Variants in COL11A1 observed in about 807,000 individuals in gnomAD.
COL11A1 encodes collagen alpha-1(XI) chain.
In COL11A1, 74 loss-of-function variants were observed where a neutral mutation model predicts 265.2. The ratio of observed to expected loss-of-function variants is 0.28; its 90% confidence interval spans 0.23 to 0.34. The LOEUF (loss-of-function observed/expected upper bound fraction) is 0.34, where lower values mean the gene tolerates loss of function less well. COL11A1 is among the 10% of genes least tolerant of loss of function. The pLI, the probability that COL11A1 is intolerant of heterozygous loss-of-function variation, is 1.00. For missense variants in COL11A1, 2,165 were observed against 2,263.6 expected (o/e 0.96, Z 0.88); for synonymous variants, 816 against 727.6 (o/e 1.12, Z -1.96).
intron 1 of COL11A1, among the ~76,000 whole-genome samples, chr1:103,087,503 C>T (rs924570957): frequency 6.6e-6 from 1 of 152,200 alleles, no homozygotes; most frequent in Non-Finnish European, 1.5e-5. Context: ...TATCTGGACA[C>T]TCCCACTTAT....
intron 41 of COL11A1, among the ~76,000 whole-genome samples, chr1:102,947,351 C>A (rs1362286373): frequency 6.6e-6 from 1 of 152,102 alleles, no homozygotes; most frequent in Admixed American, 6.5e-5. Context: ...AATCCCTAAA[C>A]TAGTGTTTCT....
At position 102,957,518 on chromosome 1, in the gene COL11A1, G is replaced by A. The variant is rs536519926; in HGVS notation, c.3168+4348C>T. ...CTTATGAATTGCATTATAGGTGAAAGAAACTAAGAGTTCAATGGCATTCTG... is the reference window on the plus strand; with the variant it reads ...CTTATGAATTGCATTATAGGTGAAAAAAACTAAGAGTTCAATGGCATTCTG... On this transcript the variant is annotated intron_variant, in intron 41 of 66. Transcript: ENST00000370096. Among the ~76,000 whole-genome samples, 5 of 152,000 alleles carry A rather than the reference G, an allele frequency of 3.3e-5. No individual in the cohort carries two copies. In the South Asian group the frequency reaches 6.2e-4, roughly 19 times the overall value.
intron 57 of COL11A1, among the ~76,000 whole-genome samples, chr1:102,897,710 C>T (rs1652614226): frequency 1.3e-5 from 2 of 152,068 alleles, no homozygotes; most frequent in South Asian, 4.1e-4. Flanking sequence ...TTTTATGTTT[C>T]AGCCTGTATG....
intron 4 of COL11A1, among the ~76,000 whole-genome samples, chr1:103,037,626 C>G (rs1183556541): frequency 6.6e-6 from 1 of 152,114 alleles, no homozygotes; most frequent in Non-Finnish European, 1.5e-5. Context: ...ATAACTAAAA[C>G]AGTTAATGCA....
At chr1:103,015,263 A>G (rs1666468952) in intron 12 of COL11A1, among the ~76,000 whole-genome samples, 1 of 152,056 alleles carries the variant, frequency 6.6e-6, no homozygotes. Flanking sequence ...GGAATCTTAC[A>G]GTAAAGCAAA....
chr1:103,013,478 T>C (rs930606997), intron 13 of COL11A1, among the ~76,000 whole-genome samples: 2 of 151,968 alleles, frequency 1.3e-5, no homozygotes, highest in African/African-American at 4.8e-5. Context: ...AAATAAGTTA[T>C]AGAAATCTTT....
At chr1:102,958,577 A>G (rs1660594191) in intron 41 of COL11A1, among the ~76,000 whole-genome samples, 1 of 152,144 alleles carries the variant, frequency 6.6e-6, no homozygotes, top group Non-Finnish European at 1.5e-5. Flanking sequence ...GCTTCACTAG[A>G]TTCTGCAGCA....
chr1:102,995,778 A>C (rs1260061569), intron 28 of COL11A1, 86 bp downstream of exon 28: 45 of 1,131,034 alleles, frequency 4.0e-5, no homozygotes, highest in Non-Finnish European at 6.0e-5. Context: ...TCACTCATAT[A>C]TTCAAGAAAT....
rs1003459179 is a variant in COL11A1 at position 103,105,013 on chromosome 1, A to G, written c.106+3060T>C. Among the ~76,000 whole-genome samples, 5 of 152,160 alleles carry G rather than the reference A, an allele frequency of 3.3e-5. No individual in the cohort carries two copies. In the South Asian group the frequency reaches 1.0e-3, roughly 32 times the overall value. ...TTCCCAGTTTGATCAGCCTTTTACA[A>G]GATACAGTATTGGCTTAACTGCCAA... On this transcript the variant is annotated intron_variant, in intron 1 of 66. Transcript: ENST00000370096.
intron 54 of COL11A1, among the ~76,000 whole-genome samples, chr1:102,909,532 CTAT>C (rs1317955976): frequency 1.1e-4 from 16 of 151,980 alleles, no homozygotes; most frequent in African/African-American, 3.6e-4. Context: ...TAATATACTA[CTAT>C]ATTTTATTAT....
chr1:103,021,811 A>G lies in COL11A1; in HGVS notation c.1246-42T>C, dbSNP rs770674974. The G allele has an allele frequency of 6.0e-6, 8 of 1,332,540 alleles. No individual in the cohort carries two copies. The East Asian group carries it at 9.2e-5, about 15-fold the overall frequency. 82.5% of individuals were successfully genotyped at this position (1,332,540 alleles called of 1,614,324 possible). On this transcript the variant is annotated intron_variant, in intron 8 of 66. Coordinates refer to ENST00000370096, the MANE Select transcript of COL11A1 (RefSeq NM_001854.4). ...TCAAAACAGCCTAAATGTCTGTAAG[A>G]CCATTTCTTTCTTTCTTTCTTTTCT...
intron 54 of COL11A1, among the ~76,000 whole-genome samples, chr1:102,907,076 A>C (rs1047465445): frequency 3.3e-5 from 5 of 152,098 alleles, no homozygotes; most frequent in Admixed American, 1.3e-4. Context: ...AAAACCCTGC[A>C]TATTATGCTC....
Position 102,879,934 on chromosome 1 carries a change from A to C in COL11A1, c.5041-18T>G. ...TATGAAAGCTAGGAATAAAGGAATA[A>C]AAAGACACCTAATGACTCTTTTCCT... On this transcript the variant is annotated intron_variant, in intron 65 of 66. Coordinates refer to ENST00000370096, the MANE Select transcript of COL11A1 (RefSeq NM_001854.4). 2 of 1,490,112 alleles carry C rather than the reference A, an allele frequency of 1.3e-6. No individual in the cohort carries two copies. The highest frequency in any genetic ancestry group is 1.9e-6 in the Non-Finnish European group (2 of 1,067,582). 92.3% of individuals were successfully genotyped at this position (1,490,112 alleles called of 1,614,324 possible). A position where few individuals can be genotyped will look rare whatever the true frequency, so the allele number is the denominator to read the frequency against.
chr1:102,891,169 C>T (rs1195249664), intron 57 of COL11A1, among the ~76,000 whole-genome samples: 3 of 151,914 alleles, frequency 2.0e-5, no homozygotes, highest in African/African-American at 4.8e-5. Context: ...ATCAGATGTC[C>T]TTCACTATGA....
chr1:102,983,961 C>A (rs1325291851), intron 31 of COL11A1, among the ~76,000 whole-genome samples, 177 bp downstream of exon 31: 1 of 152,046 alleles, frequency 6.6e-6, no homozygotes, highest in Non-Finnish European at 1.5e-5. Context: ...TCCATAATCA[C>A]CTAAGCTCTT....
In COL11A1 at chr1:102,877,817, C is replaced by A; in HGVS notation, c.*202G>T. The A allele has an allele frequency of 1.9e-6, 1 of 529,376 alleles. No individual in the cohort carries two copies. Among genetic ancestry groups the A allele is most frequent in the Non-Finnish European group, 3.4e-6 (1 of 295,418 alleles). The allele number at this position is 529,376 out of a possible 1,614,324, so 32.8% of individuals were successfully genotyped here. On this transcript the variant is annotated 3_prime_UTR_variant, in exon 67 of 67. Coordinates refer to ENST00000370096, the MANE Select transcript of COL11A1 (RefSeq NM_001854.4). ...ATCAGCCCTGTTTCCATCTTAGCCA[C>A]ACCAACTTATATCTTTATGATTTTC...
chr1:103,060,959 G>A (rs1309963744), intron 4 of COL11A1, among the ~76,000 whole-genome samples: 1 of 150,890 alleles, frequency 6.6e-6, no homozygotes, highest in Non-Finnish European at 1.5e-5. Context: ...TTAAAGACAG[G>A]TTGTCAGAGT....
chr1:103,081,377 C>T (rs764470784), intron 2 of COL11A1, among the ~76,000 whole-genome samples: 1 of 151,840 alleles, frequency 6.6e-6, no homozygotes, highest in Non-Finnish European at 1.5e-5. Context: ...TTAGGAAATG[C>T]AGCAGAGTGC....
At chr1:103,075,790 GTC>G (rs1671929679) in intron 3 of COL11A1, among the ~76,000 whole-genome samples, 1 of 152,078 alleles carries the variant, frequency 6.6e-6, no homozygotes, top group African/African-American at 2.4e-5. Context: ...CTCGTAAAAT[GTC>G]TGTTTCATGT....
Sources: gnomAD v4.1 joint callset for allele counts (sites outside exome capture counted in the v4.1 genomes callset) on GRCh38, gnomAD v4.1.1 for gene constraint, MANE v1.5 for transcripts, NCBI Gene and HGNC (gene_info 2026-07-23, HGNC 2026-07-21) for gene names.